Variants in FANCA observed in about 807,000 individuals in gnomAD.
The protein encoded by FANCA is Fanconi anemia group A protein.
A neutral mutation model predicts 194.3 loss-of-function variants in FANCA; 236 were observed. The ratio of observed to expected loss-of-function variants is 1.21; its 90% CI spans 1.09 to 1.35. The LOEUF is 1.35. Ranked by LOEUF, FANCA falls within the 40% of genes most tolerant of loss-of-function variation. The pLI, the probability that FANCA is intolerant of heterozygous loss-of-function variation, is 0.00. For missense variants in FANCA, 2,628 were observed against 1,813.9 expected, an observed-to-expected ratio of 1.45 and a Z score of -8.15; for synonymous variants, 1,014 against 715.8, an observed-to-expected ratio of 1.42 and a Z score of -6.65.
intron 3 of FANCA, among the ~76,000 whole-genome samples, chr16:89,812,208 G>C (rs189564986): frequency 6.6e-6 from 1 of 151,666 alleles, no homozygotes; most frequent in Non-Finnish European, 1.5e-5. Flanking sequence ...GTTTGGTGAC[G>C]GGAGCCTGTA....
chr16:89,783,922 C>T (rs916239706), intron 15 of FANCA, among the ~76,000 whole-genome samples: 28 of 152,116 alleles, frequency 1.8e-4, no homozygotes, highest in Non-Finnish European at 3.4e-4. Context: ...CTACCACGCC[C>T]GGCTAATTTT....
At chr16:89,781,113 C>T (rs9939756) in intron 17 of FANCA, among the ~76,000 whole-genome samples, 78,656 of 151,798 alleles carry the variant, frequency 0.52, 22,343 homozygotes, top group East Asian at 0.98. Context: ...GCCTGTAATC[C>T]CAGCACTTTG....
intron 1 of FANCA, 26 bp downstream of exon 1, chr16:89,816,511 T>G: frequency 1.4e-6 from 2 of 1,477,966 alleles, no homozygotes; most frequent in Non-Finnish European, 1.8e-6. Flanking sequence ...CGCCGCCCAC[T>G]CCCGCGGCCT....
rs908171971 is a variant in FANCA, at chr16:89,765,049, G to T, written c.2619C>A (p.Phe873Leu). 1.2e-6 allele frequency: 2 copies of T among 1,614,134 alleles called. No individual in the cohort carries two copies. Among genetic ancestry groups the T allele is most frequent in the South Asian group, 2.2e-5 (2 of 91,040 alleles). ...GCTGTCGGGCCTCTGAGAACAATCT[G>T]AACATGAGGAACTGAAACTGAAACA... ...GLIKKFQFLMFRLFSEARQPL... is the reference protein window; with the variant it reads ...GLIKKFQFLMLRLFSEARQPL... The change falls in exon 28 of 43, where the codon TTC becomes TTA. Residue 873 changes from phenylalanine (F) to leucine (L), a missense_variant. Phe to Leu is a conservative substitution (Grantham distance 22). Transcript: ENST00000389301.
intron 35 of FANCA, among the ~76,000 whole-genome samples, chr16:89,745,983 C>T (rs1236184169): frequency 6.6e-6 from 1 of 152,176 alleles, no homozygotes; most frequent in Non-Finnish European, 1.5e-5. Flanking sequence ...ACATGCCGTG[C>T]TGCGGAGAAA....
chr16:89,746,765 G>A, intron 34 of FANCA, 66 bp downstream of exon 34: 1 of 1,591,662 alleles, frequency 6.3e-7, no homozygotes, highest in Non-Finnish European at 8.6e-7. Flanking sequence ...CTCACAGGAA[G>A]CTGACAGGAG....
intron 30 of FANCA, 24 bp downstream of exon 30, chr16:89,758,553 C>A (rs375306588): frequency 6.2e-7 from 1 of 1,611,830 alleles, no homozygotes; most frequent in East Asian, 2.2e-5. Context: ...TCCAGAGAAC[C>A]CTAATACAGT....
rs762837582 is a variant in FANCA, at chr16:89,746,621, C to G, written c.3476G>C (p.Cys1159Ser). Reference protein sequence around the residue: ...SLMVDFILAKCQTKCPLILTS... With the variant: ...SLMVDFILAKSQTKCPLILTS... ...CAAAATTAAGGGGCATTTCGTCTGG[C>G]ACTTGGCCAGTATGAAGTCGACCAT... The change falls in exon 35 of 43, where the codon TGC becomes TCC. Residue 1159 changes from cysteine to serine, a missense_variant. Physicochemically the swap from Cys to Ser is moderately radical, Grantham distance 112. Coordinates refer to ENST00000389301, the MANE Select transcript of FANCA (RefSeq NM_000135.4). 2.2e-5 allele frequency: 36 copies of G among 1,614,050 alleles called. No individual in the cohort carries two copies. The East Asian group carries it at 6.9e-4, about 31-fold the overall frequency.
At chr16:89,795,153 C>T (rs938503120) in intron 11 of FANCA, among the ~76,000 whole-genome samples, 1 of 150,812 alleles carries the variant, frequency 6.6e-6, no homozygotes, top group East Asian at 2.0e-4. Context: ...GGCATGGTGG[C>T]ACATGCCCGT....
chr16:89,806,927 C>T (rs1187591838), intron 6 of FANCA, among the ~76,000 whole-genome samples: 1 of 152,130 alleles, frequency 6.6e-6, no homozygotes, highest in African/African-American at 2.4e-5. Context: ...TATGGGCGGC[C>T]GGGCAGAGGC....
intron 8 of FANCA, among the ~76,000 whole-genome samples, chr16:89,802,487 C>T (rs1264870572): frequency 3.9e-5 from 6 of 152,134 alleles, no homozygotes; most frequent in South Asian, 2.1e-4. Flanking sequence ...CTGCAAGCTC[C>T]GCCTCCAGGT....
rs1256354674 is a variant in FANCA at position 89,812,666 on chromosome 16, A to AAAAAAAAAAAAAAAAAAAAC, written c.284-1596_284-1595insGTTTTTTTTTTTTTTTTTTT. Among the ~76,000 whole-genome samples the AAAAAAAAAAAAAAAAAAAAC allele has an allele frequency of 2.0e-5, 3 of 147,782 alleles. No individual in the cohort carries two copies. In the South Asian group the frequency reaches 6.8e-4, roughly 34 times the overall value. ...CGTCTCAAAAAAAAAAAAAAAAAAA[A>AAAAAAAAAAAAAAAAAAAAC]AAAACTGTTAACTGCAGTACGAACC... On this transcript the variant is annotated intron_variant, in intron 3 of 42. Coordinates refer to ENST00000389301, the MANE Select transcript of FANCA (RefSeq NM_000135.4).
intron 7 of FANCA, among the ~76,000 whole-genome samples, chr16:89,804,292 GTGTTCCTC>G (rs2040557435): frequency 6.6e-6 from 1 of 152,050 alleles, no homozygotes. Flanking sequence ...CTCCCAGCAG[GTGTTCCTC>G]AGAACCCAAA....
chr16:89,796,631 A>G (rs1288243685), intron 10 of FANCA, among the ~76,000 whole-genome samples: 1 of 152,216 alleles, frequency 6.6e-6, no homozygotes, highest in Non-Finnish European at 1.5e-5. Context: ...ACATCCCAGC[A>G]GGCCTATACA....
intron 30 of FANCA, among the ~76,000 whole-genome samples, chr16:89,756,633 A>G (rs992999525): frequency 2.0e-5 from 3 of 152,278 alleles, no homozygotes; most frequent in East Asian, 3.9e-4. Flanking sequence ...ATAAATATAA[A>G]TAAGACAAAG....
At chr16:89,803,178 G>T (rs34079252) in intron 8 of FANCA, 81 bp downstream of exon 8, 32 of 1,304,498 alleles carry the variant, frequency 2.5e-5, no homozygotes, top group Non-Finnish European at 3.3e-5. Flanking sequence ...CGTTTCAATA[G>T]AGAGACACGT....
In FANCA at chr16:89,810,702, T is replaced by C. The variant is rs754172489; in HGVS notation, c.522+5A>G. 4 of 1,582,212 alleles carry C rather than the reference T, an allele frequency of 2.5e-6. No homozygotes were observed. The South Asian group carries it at 3.3e-5, about 13-fold the overall frequency. On this transcript the variant is annotated splice_donor_5th_base_variant and intron_variant, in intron 5 of 42. Transcript: ENST00000389301. The stretch of plus-strand genomic sequence containing the variant: ...GGAGAGTCAGATTTGCAATCTCAAA[T>C]TTACCTGTATTTTCCATAATTCTTG...
chr16:89,806,923 C>T (rs996137277), intron 6 of FANCA, among the ~76,000 whole-genome samples: 3 of 152,126 alleles, frequency 2.0e-5, no homozygotes, highest in African/African-American at 7.2e-5. Context: ...CCAGTATGGG[C>T]GGCCGGGCAG....
chr16:89,808,880 T>C (rs72811584), intron 5 of FANCA, among the ~76,000 whole-genome samples: 1 of 150,482 alleles, frequency 6.6e-6, no homozygotes, highest in African/African-American at 2.4e-5. Flanking sequence ...CCCTGCAGCC[T>C]CCCCTTCTCA....
Sources: gnomAD v4.1 joint callset for allele counts (sites outside exome capture counted in the v4.1 genomes callset) on GRCh38, gnomAD v4.1.1 for gene constraint, MANE v1.5 for transcripts, NCBI Gene and HGNC (gene_info 2026-07-23, HGNC 2026-07-21) for gene names.